The following ARHGEF10 variants were observed in gnomAD, a reference collection of about 807,000 sequenced individuals.
ARHGEF10 encodes the protein Rho guanine nucleotide exchange factor 10.
ARHGEF10 carries 140 observed loss-of-function variants against 147.4 expected under a neutral mutation model. The ratio of observed to expected loss-of-function variants is 0.95; its 90% CI spans 0.83 to 1.09. The LOEUF (loss-of-function observed/expected upper bound fraction) is 1.09, where lower values mean the gene tolerates loss of function less well. ARHGEF10 is among the 50% of genes least tolerant of loss of function. The pLI is 0.00. For synonymous variants in ARHGEF10, 902 were observed against 695.8 expected, an observed-to-expected ratio of 1.30 and a Z score of -4.67; for missense variants, 2,222 against 1,752.7, an observed-to-expected ratio of 1.27 and a Z score of -4.78.
intron 18 of ARHGEF10, among the ~76,000 whole-genome samples, chr8:1,913,332 T>C (rs1038507273): frequency 6.6e-6 from 1 of 152,136 alleles, no homozygotes; most frequent in Non-Finnish European, 1.5e-5. Flanking sequence ...ATTCAACTGG[T>C]CTCAAGTCAG....
rs1415577328 is a variant in ARHGEF10 at position 1,918,019 on chromosome 8, C to G, written c.2144-4945C>G. Among the ~76,000 whole-genome samples the G allele has an allele frequency of 2.0e-5, 3 of 152,104 alleles. No individual in the cohort carries two copies. In the East Asian group the frequency reaches 5.8e-4, roughly 30 times the overall value. Reference sequence around the variant, plus strand: ...GCCAGGCTGGTCTCGAACTCCTGACCTCAGGTGATCCACCTACCTTGGCCT... The same window carrying G: ...GCCAGGCTGGTCTCGAACTCCTGACGTCAGGTGATCCACCTACCTTGGCCT... On this transcript the variant is annotated intron_variant, in intron 18 of 28. Coordinates refer to ENST00000349830, the MANE Select transcript of ARHGEF10 (RefSeq NM_014629.4).
chr8:1,875,245 CA>C (rs1807591027), intron 7 of ARHGEF10, among the ~76,000 whole-genome samples: 1 of 149,578 alleles, frequency 6.7e-6, no homozygotes, highest in African/African-American at 2.5e-5. Flanking sequence ...TGCAGACACA[CA>C]CCAGGGCGTG....
Position 1,929,330 on chromosome 8 carries a change from T to A in ARHGEF10, c.2966T>A (p.Leu989His). The A allele has an allele frequency of 6.2e-7, 1 of 1,614,078 alleles. No individual in the cohort carries two copies. Among genetic ancestry groups the A allele is most frequent in the East Asian group, 2.2e-5 (1 of 44,886 alleles). Residue 989 changes from leucine (L) to histidine (H), a missense_variant, in exon 25 of 29, where the codon CTT (leucine) becomes CAT (histidine). Physicochemically the swap from Leu to His is moderately conservative, Grantham distance 99. Transcript: ENST00000349830. ...KSSQGSKKVR[L>H]QHFFTPEKST... ...AGTCAAGGCTCCAAGAAAGTGAGAC[T>A]TCAGCACTTTTTCACTCCTGAGAAG...
rs559219094 is a variant in ARHGEF10, at chr8:1,907,178, T to C, written c.1967+1462T>C. Reference sequence around the variant, plus strand: ...TGCAGAGTAAGGTGTCTCCACCCGTTTCCCTGGTGTTATGAGGTGCTTCCC... The same window carrying C: ...TGCAGAGTAAGGTGTCTCCACCCGTCTCCCTGGTGTTATGAGGTGCTTCCC... On this transcript the variant is annotated intron_variant, in intron 17 of 28. Coordinates refer to ENST00000349830, the MANE Select transcript of ARHGEF10 (RefSeq NM_014629.4). 2.0e-5 allele frequency among the ~76,000 whole-genome samples: 3 copies of C among 152,314 alleles called. No homozygotes were observed. The South Asian group carries it at 6.2e-4, about 32-fold the overall frequency.
At chr8:1,929,822 C>T (rs902795768) in intron 25 of ARHGEF10, among the ~76,000 whole-genome samples, 21 of 152,164 alleles carry the variant, frequency 1.4e-4, no homozygotes, top group African/African-American at 5.1e-4. Context: ...CTCTTTGCCC[C>T]GGTGCTGTGC....
At chr8:1,882,118 C>T (rs889803471) in intron 9 of ARHGEF10, among the ~76,000 whole-genome samples, 2 of 152,294 alleles carry the variant, frequency 1.3e-5, no homozygotes, top group Non-Finnish European at 2.9e-5. Flanking sequence ...GTGTCCCGTG[C>T]GTGTCTGCAG....
rs142634851 is a variant in ARHGEF10, at chr8:1,940,180, C to G, written c.3223-5301C>G. 3.8e-4 allele frequency among the ~76,000 whole-genome samples: 58 copies of G among 152,278 alleles called. No individual in the cohort carries two copies. The East Asian group carries it at 6.4e-3, about 17-fold the overall frequency. On this transcript the variant is annotated intron_variant, in intron 26 of 28. Coordinates refer to ENST00000349830, the MANE Select transcript of ARHGEF10 (RefSeq NM_014629.4). ...AAGAAGCTTTGCTCCTCTATAGTCA[C>G]ACCAGAGTTCTGTCATACGCCACGG...
chr8:1,839,620 G>A (rs1470378746), intron 1 of ARHGEF10, among the ~76,000 whole-genome samples: 1 of 140,716 alleles, frequency 7.1e-6, no homozygotes, highest in East Asian at 2.3e-4. Flanking sequence ...GGGACTGTCT[G>A]GTGTGGAAGC....
chr8:1,925,801 C>T (rs1812647441), intron 22 of ARHGEF10, among the ~76,000 whole-genome samples: 1 of 152,322 alleles, frequency 6.6e-6, no homozygotes, highest in South Asian at 2.1e-4. Flanking sequence ...CGCTCTTTGC[C>T]TTGGCAGACT....
chr8:1,952,800 C>T lies in ARHGEF10; in HGVS notation c.3493C>T (p.Arg1165Cys), dbSNP rs745561759. The T allele has an allele frequency of 3.3e-5, 53 of 1,613,792 alleles. 1 individual carries two copies. In the South Asian group the frequency reaches 4.1e-4, roughly 12 times the overall value. Residue 1165 changes from arginine to cysteine, a missense_variant, in exon 28 of 29, where the codon CGT (arginine) becomes TGT (cysteine). Coordinates refer to ENST00000349830, the MANE Select transcript of ARHGEF10 (RefSeq NM_014629.4). ...LGVLVALPVP[R>C]LQGIPKVTGR... ...AGTCCTCGTGGCCCTGCCGGTCCCA[C>T]GTCTGCAAGGGATTCCCAAAGTGAC...
At position 1,933,815 on chromosome 8, in the gene ARHGEF10, C is replaced by T. The variant is rs1394522009; in HGVS notation, c.3095C>T (p.Ser1032Leu). Reference protein sequence around the residue: ...YARAPDGSWDSEPQKVIKLGV... With the variant: ...YARAPDGSWDLEPQKVIKLGV... ...TTCTTTTAAGATGGATCCTGGGATT[C>T]AGAACCTCAAAAAGTGATCAAGTTA... Residue 1032 changes from serine to leucine, a missense_variant, in exon 26 of 29, where the codon TCA becomes TTA. Coordinates refer to ENST00000349830, the MANE Select transcript of ARHGEF10 (RefSeq NM_014629.4). The T allele has an allele frequency of 5.6e-6, 9 of 1,614,050 alleles. No individual in the cohort carries two copies. The highest frequency in any genetic ancestry group is 7.6e-6 in the Non-Finnish European group (9 of 1,180,030).
At position 1,902,540 on chromosome 8, in the gene ARHGEF10, C is replaced by T. The variant is rs115551543; in HGVS notation, c.1651-741C>T. ...TACTTTTTAAGAGAAATTTTAGGGT[C>T]GCAGCAAAATTGAGCGGAAAGTACA... is the stretch of plus-strand genomic sequence containing the variant. On this transcript the variant is annotated intron_variant, in intron 15 of 28. Coordinates refer to ENST00000349830, the MANE Select transcript of ARHGEF10 (RefSeq NM_014629.4). Among the ~76,000 whole-genome samples, 1,072 of 152,086 alleles carry T rather than the reference C, an allele frequency of 7.0e-3. 20 individuals carry two copies. The highest frequency in any genetic ancestry group is 0.025 in the African/African-American group (1,018 of 41,476).
At position 1,898,525 on chromosome 8, in the gene ARHGEF10, G is replaced by A. The variant is rs1810201544; in HGVS notation, c.1650G>A (p.Gln550=). ...TCCCACAGTTCATCCTCCTGCTCCAGGTAAGTGCTTCACGGAGACCTCCTC... is the reference window on the plus strand; with the variant it reads ...TCCCACAGTTCATCCTCCTGCTCCAAGTAAGTGCTTCACGGAGACCTCCTC... ...QRFPQFILLL[Q]DMLKNTSKGH... is the part of the protein sequence containing the mutation. Residue 550 remains glutamine, a splice_region_variant and synonymous_variant, in exon 15 of 29, where the codon CAG becomes CAA. Transcript: ENST00000349830. 6.2e-7 allele frequency: 1 copy of A among 1,613,714 alleles called. No homozygotes were observed. The highest frequency in any genetic ancestry group is 1.3e-5 in the African/African-American group (1 of 74,918).
At chr8:1,851,168 C>T (rs1805110347) in intron 2 of ARHGEF10, among the ~76,000 whole-genome samples, 2 of 151,502 alleles carry the variant, frequency 1.3e-5, no homozygotes, top group Non-Finnish European at 2.9e-5. Flanking sequence ...CTCACGCACA[C>T]CGTGGGCTTT....
At chr8:1,882,603 G>A (rs373574036) in intron 9 of ARHGEF10, 32 bp from the exon 10 acceptor site, 336 of 1,534,462 alleles carry the variant, frequency 2.2e-4, no homozygotes, top group East Asian at 2.9e-4. Flanking sequence ...TTCTGCCGCC[G>A]TCCCGTTCTC....
intron 26 of ARHGEF10, 65 bp from the exon 27 acceptor site, chr8:1,945,416 G>A: frequency 6.5e-7 from 1 of 1,546,814 alleles, no homozygotes; most frequent in Non-Finnish European, 8.7e-7. Context: ...ACGCCACGTG[G>A]ACCCAACAGG....
At chr8:1,841,835 GACGGGAAC>G (rs1804063453) in intron 1 of ARHGEF10, among the ~76,000 whole-genome samples, 1 of 93,954 alleles carries the variant, frequency 1.1e-5, no homozygotes. Flanking sequence ...CTGGGGCCGC[GACGGGAAC>G]TGGGGCCGCG....
intron 26 of ARHGEF10, among the ~76,000 whole-genome samples, chr8:1,941,905 C>G (rs776323153): frequency 8.5e-5 from 13 of 152,216 alleles, no homozygotes; most frequent in South Asian, 4.1e-4. Context: ...GGCACAACTT[C>G]ATTCTTCCAT....
At chr8:1,931,956 G>T (rs911577430) in intron 25 of ARHGEF10, among the ~76,000 whole-genome samples, 1 of 152,218 alleles carries the variant, frequency 6.6e-6, no homozygotes, top group African/African-American at 2.4e-5. Flanking sequence ...AACGTCTGAA[G>T]TAGGCCATCG....
Sources: allele counts gnomAD v4.1 joint callset (sites outside exome capture counted in the v4.1 genomes callset), GRCh38; gene constraint gnomAD v4.1.1; transcripts MANE v1.5; gene names NCBI Gene and HGNC (gene_info 2026-07-23, HGNC 2026-07-21).